Variants in STK32C observed in about 807,000 individuals in gnomAD.
STK32C encodes serine/threonine kinase 32C.
A neutral mutation model predicts 56.5 loss-of-function variants in STK32C; 31 were observed. That is an observed-to-expected ratio of 0.55 (90% CI 0.41 to 0.74). The LOEUF is 0.74. STK32C is among the 30% of genes least tolerant of loss of function. STK32C has a pLI of 0.00. For synonymous variants in STK32C, 309 were observed against 289.4 expected, an observed-to-expected ratio of 1.07 and a Z score of -0.69; for missense variants, 544 against 676.9, an observed-to-expected ratio of 0.80 and a Z score of 2.18.
At chr10:132,300,252 T>C (rs1338753532) in intron 1 of STK32C, among the ~76,000 whole-genome samples, 1 of 152,138 alleles carries the variant, frequency 6.6e-6, no homozygotes, top group Non-Finnish European at 1.5e-5. Context: ...TTTTAATAAA[T>C]TGGGGGCGAC....
chr10:132,207,858 C>T lies in STK32C; in HGVS notation c.*152G>A, dbSNP rs548378160. 1.1e-5 allele frequency: 10 copies of T among 947,438 alleles called. No homozygotes were observed. Among genetic ancestry groups the T allele is most frequent in the Non-Finnish European group, 1.4e-5 (10 of 727,666 alleles). The allele number at this position is 947,438 out of a possible 1,614,324, so 58.7% of individuals were successfully genotyped here. The stretch of plus-strand genomic sequence containing the variant: ...CAGCCTCTTGTCCCCTGCACCACCA[C>T]GAGCCTGAGGTGTGAAATGTGTCCG... On this transcript the variant is annotated 3_prime_UTR_variant, in exon 12 of 12. Transcript: ENST00000298630.
intron 1 of STK32C, among the ~76,000 whole-genome samples, chr10:132,273,686 T>G (rs1257085210): frequency 1.3e-5 from 2 of 151,932 alleles, no homozygotes; most frequent in African/African-American, 2.4e-5. Context: ...GTAAATGAGA[T>G]GAATGAGTAA....
intron 2 of STK32C, among the ~76,000 whole-genome samples, chr10:132,230,271 G>C (rs547163327): frequency 1.3e-5 from 2 of 152,226 alleles, no homozygotes; most frequent in African/African-American, 4.8e-5. Flanking sequence ...AGCAGCCCCT[G>C]GCTGCCCCTG....
At chr10:132,242,495 C>T (rs902468678) in intron 2 of STK32C, among the ~76,000 whole-genome samples, 18 of 152,262 alleles carry the variant, frequency 1.2e-4, no homozygotes, top group Middle Eastern at 3.4e-3. Context: ...ACTGCCAGCA[C>T]AGCCCCCCTG....
At chr10:132,236,464 G>C (rs1311029879) in intron 2 of STK32C, among the ~76,000 whole-genome samples, 4 of 152,234 alleles carry the variant, frequency 2.6e-5, no homozygotes, top group Non-Finnish European at 5.9e-5. Flanking sequence ...ACACACACTG[G>C]GCAGCTGTGT....
chr10:132,251,853 C>T (rs12773017), intron 1 of STK32C, among the ~76,000 whole-genome samples: 9 of 135,808 alleles, frequency 6.6e-5, no homozygotes, highest in African/African-American at 1.9e-4. Context: ...CAATGCCCTA[C>T]GCCTCCTGGG....
intron 2 of STK32C, among the ~76,000 whole-genome samples, 199 bp downstream of exon 2, chr10:132,245,701 C>T (rs921986887): frequency 3.3e-5 from 5 of 152,226 alleles, no homozygotes; most frequent in Non-Finnish European, 7.3e-5. Flanking sequence ...ACCATGGGGC[C>T]CAGTCTGATG....
At chr10:132,331,200 CAAAAA>C (rs35734065) in intron 1 of STK32C, among the ~76,000 whole-genome samples, 720 of 56,310 alleles carry the variant, frequency 0.013, 10 homozygotes, top group African/African-American at 0.047. Context: ...GACTCCACCT[CAAAAA>C]AAAAAAAAAA....
chr10:132,309,752 C>T (rs1039155251), upstream of STK32C, among the ~76,000 whole-genome samples: 5 of 152,182 alleles, frequency 3.3e-5, no homozygotes, highest in Non-Finnish European at 7.4e-5. Flanking sequence ...CCTGCGTACC[C>T]GGTGCACACA....
intron 10 of STK32C, among the ~76,000 whole-genome samples, chr10:132,213,220 C>G (rs2062369906): frequency 6.6e-6 from 1 of 152,242 alleles, no homozygotes; most frequent in Admixed American, 6.5e-5. Flanking sequence ...TCAGCCTGTA[C>G]CCCGCTTTAG....
chr10:132,253,496 G>GC (rs2063985823), intron 1 of STK32C, among the ~76,000 whole-genome samples: 5 of 104,712 alleles, frequency 4.8e-5, no homozygotes, highest in Non-Finnish European at 8.2e-5. Flanking sequence ...GCTGGAGGGA[G>GC]TCGAGGGAGC....
intron 1 of STK32C, among the ~76,000 whole-genome samples, chr10:132,278,544 G>T (rs1357830651): frequency 7.9e-5 from 12 of 151,828 alleles, no homozygotes; most frequent in Non-Finnish European, 1.8e-4. Flanking sequence ...GGTGGATCAC[G>T]AAGTCAGGAG....
At position 132,296,953 on chromosome 10, in the gene STK32C, GAGAGGCAGCCC is replaced by G. The variant is rs540743871; in HGVS notation, c.262+10608_262+10618del. On this transcript the variant is annotated intron_variant, in intron 1 of 11. Transcript: ENST00000298630. ...GACCACGGCAGGGGGTGCAGGGAAGGAGAGGCAGCCCAGAGACAGGGAGGCGGACATCGCCA... is the reference window on the plus strand; with the variant it reads ...GACCACGGCAGGGGGTGCAGGGAAGGAGAGACAGGGAGGCGGACATCGCCA... 2.7e-3 allele frequency among the ~76,000 whole-genome samples: 407 copies of G among 152,380 alleles called. 6 individuals are homozygous for G. In the South Asian group the frequency reaches 0.048, roughly 18 times the overall value.
chr10:132,252,161 C>T (rs1378328031), intron 1 of STK32C, among the ~76,000 whole-genome samples: 1 of 152,272 alleles, frequency 6.6e-6, no homozygotes, highest in Non-Finnish European at 1.5e-5. Flanking sequence ...GCTAACCAGC[C>T]AAGGTCAGAG....
chr10:132,225,104 G>A (rs1306096543), intron 7 of STK32C, 129 bp downstream of exon 7: 9 of 686,504 alleles, frequency 1.3e-5, no homozygotes, highest in Non-Finnish European at 2.2e-5. Flanking sequence ...ATAAAAGCGT[G>A]ACTCCTCAGA....
At chr10:132,262,051 G>T (rs1454366239) in intron 1 of STK32C, among the ~76,000 whole-genome samples, 1 of 152,084 alleles carries the variant, frequency 6.6e-6, no homozygotes, top group African/African-American at 2.4e-5. Context: ...CTCTACTACA[G>T]GGCCAAAGTA....
intron 10 of STK32C, among the ~76,000 whole-genome samples, chr10:132,220,991 C>T (rs1042066615): frequency 2.6e-5 from 4 of 152,256 alleles, no homozygotes; most frequent in South Asian, 2.1e-4. Context: ...CACGCACAGC[C>T]GGCTGTGAAG....
intron 1 of STK32C, among the ~76,000 whole-genome samples, chr10:132,254,496 C>A (rs1181958310): frequency 1.4e-5 from 2 of 143,200 alleles, no homozygotes; most frequent in African/African-American, 5.2e-5. Flanking sequence ...CGAAGGCTGC[C>A]CCCAGACCTG....
exon 1 of STK32C, chr10:132,331,496 C>T (rs762107068): frequency 2.5e-6 from 4 of 1,612,794 alleles, no homozygotes; most frequent in African/African-American, 2.7e-5. Context: ...CCAAAGAGGA[C>T]GCTCTGAGTC....
Sources: gnomAD v4.1 joint callset for allele counts (sites outside exome capture counted in the v4.1 genomes callset) on GRCh38, gnomAD v4.1.1 for gene constraint, MANE v1.5 for transcripts, NCBI Gene and HGNC (gene_info 2026-07-23, HGNC 2026-07-21) for gene names.